The following TPRG1 variants were observed in gnomAD, a reference collection of about 807,000 sequenced individuals.
The protein encoded by TPRG1 is tumor protein p63-regulated gene 1 protein.
In TPRG1, 29 loss-of-function variants were observed where a neutral mutation model predicts 29.3. The ratio of observed to expected loss-of-function variants is 0.99; its 90% CI spans 0.74 to 1.35. The LOEUF (loss-of-function observed/expected upper bound fraction) is 1.35, where lower values mean the gene tolerates loss of function less well. Among genes scored for constraint, TPRG1 ranks in the 40% most tolerant of loss-of-function variants. The pLI is 0.00. For synonymous variants in TPRG1, 130 were observed against 116.8 expected (o/e 1.11, Z -0.73); for missense variants, 327 against 335.0 (o/e 0.98, Z 0.19).
intron 4 of TPRG1, among the ~76,000 whole-genome samples, chr3:189,033,157 A>C (rs1714032741): frequency 1.3e-5 from 2 of 152,210 alleles, no homozygotes; most frequent in Non-Finnish European, 2.9e-5. Context: ...CCATGCCTTA[A>C]GTGAAGCTGG....
intron 1 of TPRG1, among the ~76,000 whole-genome samples, chr3:189,200,618 C>T (rs1356829612): frequency 1.3e-5 from 2 of 152,214 alleles, no homozygotes; most frequent in Non-Finnish European, 2.9e-5. Flanking sequence ...GCAACAGAGT[C>T]ATCGTTCTTG....
intron 1 of TPRG1, among the ~76,000 whole-genome samples, chr3:189,104,157 A>C (rs6780339): frequency 0.43 from 65,448 of 151,878 alleles, 19,103 homozygotes; most frequent in African/African-American, 0.82. Context: ...GATGCCCCCC[A>C]ACAGTAGCAC....
chr3:189,232,793 G>A (rs560442997), intron 3 of TPRG1, among the ~76,000 whole-genome samples: 1 of 152,176 alleles, frequency 6.6e-6, no homozygotes, highest in Non-Finnish European at 1.5e-5. Context: ...AGACCCAGGG[G>A]AAGAGGAACC....
chr3:189,239,014 G>A, intron 4 of TPRG1, 105 bp downstream of exon 4: 1 of 938,118 alleles, frequency 1.1e-6, no homozygotes. Context: ...AGAACCCAAG[G>A]GAGGATAGTG....
chr3:189,211,174 C>A (rs930037640), intron 2 of TPRG1, among the ~76,000 whole-genome samples: 6 of 152,072 alleles, frequency 3.9e-5, no homozygotes, highest in Admixed American at 2.6e-4. Flanking sequence ...CAATAACATA[C>A]TTCCATAATC....
chr3:189,254,428 G>A (rs1310097238), intron 4 of TPRG1, among the ~76,000 whole-genome samples: 3 of 152,154 alleles, frequency 2.0e-5, no homozygotes, highest in African/African-American at 7.2e-5. Context: ...CTGTAGCCTT[G>A]TAGTATAGTT....
intron 4 of TPRG1, among the ~76,000 whole-genome samples, chr3:189,261,181 G>A (rs182189554): frequency 6.6e-6 from 1 of 152,252 alleles, no homozygotes; most frequent in Admixed American, 6.5e-5. Flanking sequence ...CAGGAATGGG[G>A]CTAGGAAGAC....
At chr3:189,217,972 A>G in intron 3 of TPRG1, 4 of 985,416 alleles carry the variant, frequency 4.1e-6, no homozygotes, top group Non-Finnish European at 3.6e-6. Context: ...AAAAAAACTA[A>G]AGAAAATAAA....
At chr3:189,259,462 C>CTTTTCT (rs1712579711) in intron 4 of TPRG1, among the ~76,000 whole-genome samples, 2 of 92,118 alleles carry the variant, frequency 2.2e-5, no homozygotes, top group African/African-American at 9.6e-5. Context: ...CCAGGAATCC[C>CTTTTCT]TTTTTTTTTT....
rs149177739 is a variant in TPRG1, at chr3:189,231,265, CATAT to C, written c.303-7451_303-7448del. Among the ~76,000 whole-genome samples, 418 of 144,256 alleles carry C rather than the reference CATAT, an allele frequency of 2.9e-3. 5 individuals are homozygous for C. The highest frequency in any genetic ancestry group is 0.01 in the African/African-American group (398 of 38,930). 94.6% of individuals were successfully genotyped at this position (144,256 alleles called of 152,430 possible). A position where few individuals can be genotyped will look rare whatever the true frequency, so the allele number is the denominator to read the frequency against. The stretch of plus-strand genomic sequence containing the variant: ...CTCTCTCATACAAACACCTATAAAA[CATAT>C]ATATATATATATATATGCACACACA... On this transcript the variant is annotated intron_variant, in intron 3 of 5. Transcript: ENST00000345063.
At chr3:189,253,462 G>T (rs1579052192) in intron 4 of TPRG1, among the ~76,000 whole-genome samples, 1 of 152,166 alleles carries the variant, frequency 6.6e-6, no homozygotes, top group Non-Finnish European at 1.5e-5. Flanking sequence ...AGTAGTCCAT[G>T]GTGTATGTGT....
rs138463487 is a variant in TPRG1, at chr3:189,321,831, C to T, written c.*1011C>T. The T allele has an allele frequency of 6.6e-6, 1 of 152,222 alleles. No individual in the cohort carries two copies. Among genetic ancestry groups the T allele is most frequent in the East Asian group, 1.9e-4 (1 of 5,186 alleles). 9.4% of individuals were successfully genotyped at this position (152,222 alleles called of 1,614,324 possible). ...GCGGTTGGAGTGAAGATGAGAATGC[C>T]ACAGGCATCTTTCTTTCTAGGCCTC... is the stretch of plus-strand genomic sequence containing the variant. On this transcript the variant is annotated 3_prime_UTR_variant, in exon 6 of 6. Transcript: ENST00000345063.
intron 4 of TPRG1, among the ~76,000 whole-genome samples, chr3:189,049,965 C>T (rs1268268444): frequency 6.6e-6 from 1 of 151,946 alleles, no homozygotes; most frequent in African/African-American, 2.4e-5. Flanking sequence ...CCCTAAACAC[C>T]TACATCAAAA....
intron 2 of TPRG1, among the ~76,000 whole-genome samples, chr3:189,214,366 G>C (rs749668048): frequency 1.3e-5 from 2 of 152,180 alleles, no homozygotes; most frequent in African/African-American, 4.8e-5. Flanking sequence ...ATTAAAGAAA[G>C]TATTATTTTT....
At chr3:189,270,261 C>G (rs1057208628) in intron 4 of TPRG1, among the ~76,000 whole-genome samples, 1 of 151,760 alleles carries the variant, frequency 6.6e-6, no homozygotes, top group Non-Finnish European at 1.5e-5. Context: ...GCCTGGATAT[C>G]CGTGTCAGGA....
chr3:189,085,865 AAG>A (rs1456846631), intron 4 of TPRG1, among the ~76,000 whole-genome samples: 58 of 152,338 alleles, frequency 3.8e-4, no homozygotes, highest in African/African-American at 1.4e-3. Flanking sequence ...TCAATAAAAT[AAG>A]AGTCATAAAA....
chr3:189,181,753 G>A (rs1378320283), intron 1 of TPRG1, among the ~76,000 whole-genome samples: 2 of 152,128 alleles, frequency 1.3e-5, no homozygotes, highest in Admixed American at 1.3e-4. Flanking sequence ...CAGTTCCAAA[G>A]TTGCTTCCAC....
At chr3:189,022,814 C>T (rs1182692827) in intron 3 of TPRG1, among the ~76,000 whole-genome samples, 2 of 152,220 alleles carry the variant, frequency 1.3e-5, no homozygotes, top group Non-Finnish European at 2.9e-5. Context: ...ATGGCGGGCG[C>T]CCCTCCCCCA....
chr3:189,297,600 A>AT (rs756468299), intron 4 of TPRG1, among the ~76,000 whole-genome samples: 41 of 152,172 alleles, frequency 2.7e-4, no homozygotes, highest in East Asian at 7.7e-4. Flanking sequence ...CAGATTCTGG[A>AT]TTTTAAGAAA....
Sources: gnomAD v4.1 joint callset for allele counts (sites outside exome capture counted in the v4.1 genomes callset) on GRCh38, gnomAD v4.1.1 for gene constraint, MANE v1.5 for transcripts, NCBI Gene and HGNC (gene_info 2026-07-23, HGNC 2026-07-21) for gene names.